Variants in OPRM1 observed in about 807,000 individuals in gnomAD.
The protein encoded by OPRM1 is opioid receptor mu 1.
A neutral mutation model predicts 31.8 loss-of-function variants in OPRM1; 27 were observed. That is an observed-to-expected ratio of 0.85 (90% CI 0.63 to 1.17). The LOEUF (loss-of-function observed/expected upper bound fraction) is 1.17. Ranked by LOEUF, OPRM1 falls within the 50% of genes most tolerant of loss-of-function variation. The pLI is 0.00. For missense variants in OPRM1, 536 were observed against 511.1 expected (o/e 1.05, Z -0.47); for synonymous variants, 196 against 189.9 (o/e 1.03, Z -0.26).
intron 3 of OPRM1, among the ~76,000 whole-genome samples, chr6:154,099,253 C>G (rs962389803): frequency 7.0e-6 from 1 of 143,836 alleles, no homozygotes; most frequent in Non-Finnish European, 1.5e-5. Context: ...CCACCGCACT[C>G]TAGGCTGGGC....
rs369063331 is a variant in OPRM1, at chr6:154,188,346, G to A, written c.1165-58347G>A. On this transcript the variant is annotated intron_variant, in intron 3 of 3. Coordinates refer to the OPRM1 transcript ENST00000337049. ...TAAATTGTGAAATTTATTATAAGAT[G>A]TAAGAAAGACAAATAAATGGAGAGA... Among the ~76,000 whole-genome samples, 67 of 152,274 alleles carry A rather than the reference G, an allele frequency of 4.4e-4. 1 individual carries two copies. The South Asian group carries it at 0.013, about 30-fold the overall frequency.
intron 1 of OPRM1, among the ~76,000 whole-genome samples, chr6:154,074,898 G>A (rs1250687841): frequency 6.6e-6 from 1 of 152,112 alleles, no homozygotes; most frequent in Non-Finnish European, 1.5e-5. Flanking sequence ...TCTATTAAAG[G>A]TAGAGAACAA....
At chr6:154,237,998 A>G (rs1261491852) in intron 3 of OPRM1, among the ~76,000 whole-genome samples, 5 of 152,194 alleles carry the variant, frequency 3.3e-5, no homozygotes, top group Non-Finnish European at 7.3e-5. Context: ...GATAAAAGCC[A>G]TTTTTGATTT....
chr6:154,058,970 T>C (rs1028255076), intron 1 of OPRM1, among the ~76,000 whole-genome samples: 2 of 152,194 alleles, frequency 1.3e-5, no homozygotes, highest in African/African-American at 4.8e-5. Context: ...GAGAGCTACA[T>C]TACCCTGAAA....
chr6:154,122,169 T>C lies in OPRM1; in HGVS notation c.*3448T>C, dbSNP rs1797342705. Among the ~76,000 whole-genome samples, 1 of 152,208 alleles carries C rather than the reference T, an allele frequency of 6.6e-6. No homozygotes were observed. The highest frequency in any genetic ancestry group is 2.4e-5 in the African/African-American group (1 of 41,468). The stretch of plus-strand genomic sequence containing the variant: ...TAACTGGCCACACACACACAAGTTG[T>C]GTTTGTACAATTCTTGAGGTCAATC... On this transcript the variant is annotated 3_prime_UTR_variant, in exon 4 of 4. Transcript: ENST00000330432.
chr6:154,071,260 A>T (rs1351786738), intron 1 of OPRM1, among the ~76,000 whole-genome samples: 2 of 152,214 alleles, frequency 1.3e-5, no homozygotes, highest in African/African-American at 4.8e-5. Flanking sequence ...GGTATCCAAC[A>T]CTAGCTTTCA....
intron 3 of OPRM1, among the ~76,000 whole-genome samples, chr6:154,214,858 A>T (rs1778257575): frequency 6.6e-6 from 1 of 152,236 alleles, no homozygotes; most frequent in Admixed American, 6.5e-5. Flanking sequence ...TTTTACTGGC[A>T]ATGAATTCCA....
chr6:154,213,168 G>A lies in OPRM1; in HGVS notation c.1165-33525G>A, dbSNP rs1043546399. 1.8e-4 allele frequency: 53 copies of A among 299,570 alleles called. 1 individual carries two copies. Among genetic ancestry groups the A allele is most frequent in the Middle Eastern group, 1.1e-3 (1 of 916 alleles). 18.6% of individuals were successfully genotyped at this position (299,570 alleles called of 1,614,324 possible). On this transcript the variant is annotated intron_variant, in intron 3 of 3. Coordinates refer to the OPRM1 transcript ENST00000337049. The stretch of plus-strand genomic sequence containing the variant: ...ATACCAAGAGAACACAAAATCAGTG[G>A]TGATTAATTTTGATTGTAGGAATCC...
chr6:154,077,466 C>T (rs1205849274), intron 1 of OPRM1, among the ~76,000 whole-genome samples: 3 of 151,136 alleles, frequency 2.0e-5, no homozygotes, highest in African/African-American at 7.3e-5. Context: ...TATGGTGGCT[C>T]ACGCCTGTAA....
chr6:154,148,692 T>G (rs978048601), intron 3 of OPRM1, among the ~76,000 whole-genome samples: 4 of 152,208 alleles, frequency 2.6e-5, no homozygotes, highest in Non-Finnish European at 5.9e-5. Context: ...TTGTCCACTA[T>G]GTTCCTTGGG....
intron 3 of OPRM1, among the ~76,000 whole-genome samples, chr6:154,173,443 C>A (rs1446516461): frequency 6.6e-6 from 1 of 152,148 alleles, no homozygotes; most frequent in Non-Finnish European, 1.5e-5. Context: ...AGATGAATGA[C>A]TAACTAGAAT....
intron 3 of OPRM1, chr6:154,159,931 A>T: frequency 6.2e-7 from 1 of 1,613,812 alleles, no homozygotes; most frequent in Non-Finnish European, 8.5e-7. Flanking sequence ...CTGCTGATAG[A>T]TGTCCTGGAT....
intron 1 of OPRM1, among the ~76,000 whole-genome samples, chr6:154,027,859 G>C (rs368298587): frequency 1.3e-5 from 2 of 152,140 alleles, no homozygotes; most frequent in South Asian, 4.1e-4. Context: ...CCTTGCCTGG[G>C]ACTCACTCTT....
intron 3 of OPRM1, among the ~76,000 whole-genome samples, chr6:154,143,630 G>A (rs1444074274): frequency 1.3e-5 from 2 of 152,158 alleles, no homozygotes; most frequent in African/African-American, 4.8e-5. Flanking sequence ...TAAAAATTTA[G>A]TTGCCTTTGT....
chr6:154,022,038 C>T (rs921538311), intron 1 of OPRM1, among the ~76,000 whole-genome samples: 2 of 152,162 alleles, frequency 1.3e-5, no homozygotes, highest in Admixed American at 6.5e-5. Context: ...TGAAAGGAGA[C>T]GTCCTTGCCT....
At position 154,168,988 on chromosome 6, in the gene OPRM1, G is replaced by A. The variant is rs1799657537; in HGVS notation, c.1164+77516G>A. Among the ~76,000 whole-genome samples, 1 of 152,002 alleles carries A rather than the reference G, an allele frequency of 6.6e-6. No individual in the cohort carries two copies. Among genetic ancestry groups the A allele is most frequent in the Non-Finnish European group, 1.5e-5 (1 of 67,994 alleles). ...TCCTAAATTCATGTGTTTCTCACGTGCAATATATTCACCTCATCCCAACAA... is the reference window on the plus strand; with the variant it reads ...TCCTAAATTCATGTGTTTCTCACGTACAATATATTCACCTCATCCCAACAA... On this transcript the variant is annotated intron_variant, in intron 3 of 3. Transcript: ENST00000337049. This position sits in a 1 kb window ranked among gnomAD's most constrained non-coding sequence, Gnocchi z 4.1.
chr6:154,093,513 A>C (rs2128490749), intron 3 of OPRM1: 1 of 1,596,244 alleles, frequency 6.3e-7, no homozygotes, highest in Non-Finnish European at 8.5e-7. Context: ...TTTTCACATC[A>C]GTATGGCTAT....
At chr6:154,094,954 G>A (rs973982387) in intron 3 of OPRM1, among the ~76,000 whole-genome samples, 8 of 152,214 alleles carry the variant, frequency 5.3e-5, no homozygotes, top group East Asian at 1.9e-4. Context: ...GGCAGGAGCC[G>A]TGTCTGTCTT....
intron 3 of OPRM1, among the ~76,000 whole-genome samples, chr6:154,177,442 GA>G (rs958761905): frequency 6.6e-6 from 1 of 152,046 alleles, no homozygotes; most frequent in African/African-American, 2.4e-5. Context: ...AAATTTATAA[GA>G]AAAAAACAAA....
Sources: allele counts gnomAD v4.1 joint callset (sites outside exome capture counted in the v4.1 genomes callset), GRCh38; gene constraint gnomAD v4.1.1; non-coding constraint Gnocchi (gnomAD v3.1); transcripts MANE v1.5; gene names NCBI Gene and HGNC (gene_info 2026-07-23, HGNC 2026-07-21).